Variants in ADGRD1 observed in about 807,000 individuals in gnomAD.
ADGRD1 encodes the protein G-protein coupled receptor 133.
A neutral mutation model predicts 113.4 loss-of-function variants in ADGRD1; 77 were observed. That is an observed-to-expected ratio of 0.68 (90% CI 0.57 to 0.82). The LOEUF is 0.82. ADGRD1 is among the 40% of genes least tolerant of loss of function. The pLI is 0.00. For synonymous variants in ADGRD1, 474 were observed against 475.0 expected (o/e 1.00, Z 0.03); for missense variants, 1,036 against 1,139.1 (o/e 0.91, Z 1.30).
chr12:131,078,349 CGGCGTCTGGCTATGACCGTT>C (rs1161958775), intron 14 of ADGRD1, among the ~76,000 whole-genome samples: 17 of 152,324 alleles, frequency 1.1e-4, no homozygotes, highest in African/African-American at 2.9e-4. Flanking sequence ...CTATGGCCGT[CGGCGTCTGGCTATGACCGTT>C]GGCGTCATGC....
intron 13 of ADGRD1, among the ~76,000 whole-genome samples, chr12:131,024,940 C>T (rs192277898): frequency 7.2e-5 from 11 of 152,286 alleles, no homozygotes; most frequent in Admixed American, 3.9e-4. Flanking sequence ...AGGGCAGGGA[C>T]GGCATGGTGG....
intron 20 of ADGRD1, among the ~76,000 whole-genome samples, chr12:131,130,833 A>G (rs895634775): frequency 1.3e-5 from 2 of 152,128 alleles, no homozygotes; most frequent in Non-Finnish European, 2.9e-5. Context: ...AGAGACTGCC[A>G]GGCTCTGGCC....
chr12:131,048,967 GT>G (rs1566064598), intron 13 of ADGRD1, among the ~76,000 whole-genome samples: 1 of 152,212 alleles, frequency 6.6e-6, no homozygotes, highest in Non-Finnish European at 1.5e-5. Flanking sequence ...AGGAGAATGG[GT>G]TTTAAGGGAT....
rs1165098290 is a variant in ADGRD1 at position 131,131,768 on chromosome 12, A to G, written c.2219A>G (p.Gln740Arg). ...ILIAVTRVISQISADNYKIHG... is the reference protein window; with the variant it reads ...ILIAVTRVISRISADNYKIHG... ...ATCGCTGTGACCAGAGTCATCTCACAGATCAGCGCCGACAACTACAAGATC... is the reference window on the plus strand; with the variant it reads ...ATCGCTGTGACCAGAGTCATCTCACGGATCAGCGCCGACAACTACAAGATC... Residue 740 changes from glutamine (Q) to arginine (R), a missense_variant, in exon 21 of 25, where the codon CAG becomes CGG. Gln to Arg is a conservative substitution (Grantham distance 43). Coordinates refer to ENST00000261654, the MANE Select transcript of ADGRD1 (RefSeq NM_198827.5). 6.2e-7 allele frequency: 1 copy of G among 1,611,792 alleles called. No homozygotes were observed. Among genetic ancestry groups the G allele is most frequent in the East Asian group, 2.2e-5 (1 of 44,784 alleles).
At chr12:131,013,694 C>T (rs1040766709) in intron 12 of ADGRD1, among the ~76,000 whole-genome samples, 2 of 152,072 alleles carry the variant, frequency 1.3e-5, no homozygotes, top group Admixed American at 6.5e-5. Flanking sequence ...ATCAGGAAAA[C>T]GATGAATGAA....
At chr12:131,004,369 C>A in intron 11 of ADGRD1, 73 bp downstream of exon 11, 1 of 964,316 alleles carries the variant, frequency 1.0e-6, no homozygotes, top group Non-Finnish European at 1.6e-6. Context: ...CCAAGCTTTG[C>A]TGGGTGCCCA....
At chr12:131,008,509 C>T (rs1243100255) in intron 12 of ADGRD1, among the ~76,000 whole-genome samples, 2 of 152,186 alleles carry the variant, frequency 1.3e-5, no homozygotes, top group African/African-American at 2.4e-5. Flanking sequence ...AAGGGTGGGG[C>T]CTGGGCCGGA....
At chr12:131,094,135 A>C (rs1887116477) in intron 15 of ADGRD1, among the ~76,000 whole-genome samples, 1 of 149,842 alleles carries the variant, frequency 6.7e-6, no homozygotes, top group Non-Finnish European at 1.5e-5. Context: ...CCCAGCCCTG[A>C]GCACCCAGTC....
chr12:131,101,373 C>CTTTTTTTTTTTTT (rs796951608), intron 15 of ADGRD1, among the ~76,000 whole-genome samples: 1 of 79,352 alleles, frequency 1.3e-5, no homozygotes, highest in Non-Finnish European at 2.4e-5. Context: ...CTTTTTCTTT[C>CTTTTTTTTTTTTT]TTTCTTTTTT....
At chr12:131,001,006 A>G (rs923445475) in intron 9 of ADGRD1, among the ~76,000 whole-genome samples, 7 of 152,204 alleles carry the variant, frequency 4.6e-5, no homozygotes, top group African/African-American at 1.7e-4. Context: ...TGTCCTAAAC[A>G]TGGAAGAAGG....
intron 16 of ADGRD1, 107 bp from the exon 17 acceptor site, chr12:131,105,647 G>C: frequency 1.3e-6 from 1 of 762,508 alleles, no homozygotes; most frequent in East Asian, 2.7e-5. Context: ...AACCCCTCTG[G>C]CTGCTCTTGG....
chr12:130,976,197 G>A (rs1219453671), intron 4 of ADGRD1, among the ~76,000 whole-genome samples: 3 of 144,754 alleles, frequency 2.1e-5, no homozygotes, highest in Non-Finnish European at 4.6e-5. Context: ...GGGGCCTGGG[G>A]GACACGGGCC....
At chr12:131,032,696 G>T (rs1171213007) in intron 13 of ADGRD1, among the ~76,000 whole-genome samples, 2 of 137,958 alleles carry the variant, frequency 1.4e-5, no homozygotes, top group African/African-American at 3.3e-5. Flanking sequence ...ATTTATTAGA[G>T]AAATCGCCAC....
chr12:131,118,203 T>G (rs1047217468), intron 18 of ADGRD1, among the ~76,000 whole-genome samples, 182 bp from the exon 19 acceptor site: 1 of 152,218 alleles, frequency 6.6e-6, no homozygotes, highest in Admixed American at 6.5e-5. Context: ...TTCCTTTGTT[T>G]AGACTAAAAG....
rs1885536945 is a variant in ADGRD1 at position 131,075,579 on chromosome 12, G to A, written c.1474-1222G>A. On this transcript the variant is annotated intron_variant, in intron 13 of 24. Coordinates refer to ENST00000261654, the MANE Select transcript of ADGRD1 (RefSeq NM_198827.5). This position sits in a 1 kb window ranked among gnomAD's most constrained non-coding sequence, Gnocchi z 5.3. ...TTTGCCAAAACATTAGTAGTAGACA[G>A]CACTAGGATAATTGGGTTGAGGCTG... is the stretch of plus-strand genomic sequence containing the variant. 6.6e-6 allele frequency among the ~76,000 whole-genome samples: 1 copy of A among 152,238 alleles called. No individual in the cohort carries two copies. The highest frequency in any genetic ancestry group is 2.1e-4 in the South Asian group (1 of 4,834).
chr12:131,109,393 A>G (rs1385083887), intron 18 of ADGRD1, among the ~76,000 whole-genome samples: 1 of 152,232 alleles, frequency 6.6e-6, no homozygotes, highest in South Asian at 2.1e-4. Flanking sequence ...ATGTATAGTT[A>G]TATATTTCCC....
Position 130,981,933 on chromosome 12 carries a change from A to G in ADGRD1, c.360A>G (p.Pro120=), listed in dbSNP as rs746103900. The stretch of plus-strand genomic sequence containing the variant: ...AGACACAAGGAGAACAGTCTAGACC[A>G]ATCCCTTCTGCGTATGGGGGACAGG... ...FWKTQGEQSR[P]IPSAYGGQVI... Residue 120 remains proline (P), a synonymous_variant, in exon 5 of 25, where the codon CCA becomes CCG. Coordinates refer to ENST00000261654, the MANE Select transcript of ADGRD1 (RefSeq NM_198827.5). 1.2e-6 allele frequency: 2 copies of G among 1,613,802 alleles called. No individual in the cohort carries two copies. The highest frequency in any genetic ancestry group is 2.2e-5 in the East Asian group (1 of 44,886).
At chr12:131,071,806 G>A (rs904299109) in intron 13 of ADGRD1, among the ~76,000 whole-genome samples, 1 of 151,900 alleles carries the variant, frequency 6.6e-6, no homozygotes, top group African/African-American at 2.4e-5. Context: ...CAGCCGCCTC[G>A]CCCGGCTTCT....
chr12:130,981,803 A>T (rs1873025304), intron 4 of ADGRD1, 81 bp from the exon 5 acceptor site: 2 of 935,470 alleles, frequency 2.1e-6, no homozygotes, highest in South Asian at 1.7e-5. Context: ...AATGAAAAAT[A>T]AAAAGCAAAG....
Sources: allele counts gnomAD v4.1 joint callset (sites outside exome capture counted in the v4.1 genomes callset), GRCh38; gene constraint gnomAD v4.1.1; non-coding constraint Gnocchi (gnomAD v3.1); transcripts MANE v1.5; gene names NCBI Gene and HGNC (gene_info 2026-07-23, HGNC 2026-07-21).